ARCN1: variants seen among roughly 807,000 people sequenced by gnomAD.
ARCN1 encodes coatomer subunit delta.
In ARCN1, 5 loss-of-function variants were observed where a neutral mutation model predicts 60.4. The observed-to-expected ratio is 0.08, with a 90% CI of 0.04 to 0.17. The LOEUF is 0.17. ARCN1 is among the 10% of genes least tolerant of loss of function. ARCN1 has a pLI of 1.00. For missense variants in ARCN1, 464 were observed against 626.5 expected, an observed-to-expected ratio of 0.74 and a Z score of 2.77; for synonymous variants, 224 against 220.0, an observed-to-expected ratio of 1.02 and a Z score of -0.16.
chr11:118,597,072 C>T (rs1476438473), intron 8 of ARCN1, among the ~76,000 whole-genome samples: 4 of 152,052 alleles, frequency 2.6e-5, no homozygotes, highest in Non-Finnish European at 4.4e-5. Context: ...CTGGGCGTGG[C>T]GGCACACGCC....
intron 2 of ARCN1, among the ~76,000 whole-genome samples, 166 bp from the exon 3 acceptor site, chr11:118,583,013 C>T (rs1049679893): frequency 6.6e-6 from 1 of 152,100 alleles, no homozygotes; most frequent in Admixed American, 6.6e-5. Context: ...TGCACTCCAG[C>T]GTGGGCAGCA....
At chr11:118,580,970 T>C (rs1304191673) in intron 1 of ARCN1, among the ~76,000 whole-genome samples, 1 of 152,142 alleles carries the variant, frequency 6.6e-6, no homozygotes, top group East Asian at 1.9e-4. Context: ...CTGTCTCTAC[T>C]AAAAGCTTTT....
At chr11:118,592,600 TG>T in intron 6 of ARCN1, 108 bp from the exon 7 acceptor site, 1 of 714,308 alleles carries the variant, frequency 1.4e-6, no homozygotes, top group Non-Finnish European at 2.2e-6. Flanking sequence ...AATTGGAATT[TG>T]TTAGGTACTC....
At chr11:118,586,624 C>A (rs781944349) in intron 5 of ARCN1, among the ~76,000 whole-genome samples, 2 of 151,976 alleles carry the variant, frequency 1.3e-5, no homozygotes, top group African/African-American at 4.8e-5. Flanking sequence ...GAGTTCAAGA[C>A]CACCCTGGGC....
intron 8 of ARCN1, among the ~76,000 whole-genome samples, chr11:118,595,709 G>A (rs1183073689): frequency 2.0e-5 from 3 of 152,180 alleles, no homozygotes; most frequent in Non-Finnish European, 2.9e-5. Context: ...TTAATTATGA[G>A]CACCAGTAAG....
chr11:118,590,000 CTTTTT>C (rs1565363603), intron 5 of ARCN1, among the ~76,000 whole-genome samples: 1 of 151,428 alleles, frequency 6.6e-6, no homozygotes. Context: ...CTTTTCTTTT[CTTTTT>C]TATTTTTTGA....
chr11:118,594,128 CAG>C (rs1555076780), intron 8 of ARCN1: 2 of 155,214 alleles, frequency 1.3e-5, no homozygotes, highest in African/African-American at 4.8e-5. Context: ...TTTTTTGAGA[CAG>C]AGTCTCACTC....
intron 8 of ARCN1, among the ~76,000 whole-genome samples, chr11:118,597,155 T>C (rs1939044138): frequency 2.0e-5 from 3 of 152,158 alleles, no homozygotes; most frequent in Admixed American, 2.0e-4. Flanking sequence ...TGCAGTGAGC[T>C]GAGATCACGC....
intron 7 of ARCN1, among the ~76,000 whole-genome samples, 157 bp from the exon 8 acceptor site, chr11:118,593,433 G>A (rs1401064174): frequency 3.3e-5 from 4 of 119,610 alleles, no homozygotes; most frequent in African/African-American, 9.9e-5. Flanking sequence ...GTCTCACTTT[G>A]TTGCCTAGGC....
chr11:118,573,297 CATGTCGTAGTCAG>C (rs1938397860), intron 1 of ARCN1, among the ~76,000 whole-genome samples: 1 of 152,140 alleles, frequency 6.6e-6, no homozygotes, highest in African/African-American at 2.4e-5. Context: ...GTGTATGTGG[CATGTCGTAGTCAG>C]ATGTCTCACA....
chr11:118,578,655 A>G (rs17122278), intron 1 of ARCN1, among the ~76,000 whole-genome samples: 17,653 of 152,092 alleles, frequency 0.12, 1,806 homozygotes, highest in East Asian at 0.51. Flanking sequence ...TAACTTCTCT[A>G]GAGGATCGAT....
At chr11:118,589,507 G>A (rs1277983004) in intron 5 of ARCN1, among the ~76,000 whole-genome samples, 3 of 151,748 alleles carry the variant, frequency 2.0e-5, no homozygotes, top group African/African-American at 7.3e-5. Flanking sequence ...TCGGCTCACT[G>A]CAAGCTCCGC....
chr11:118,590,610 T>G, intron 6 of ARCN1, 104 bp downstream of exon 6: 1 of 1,214,196 alleles, frequency 8.2e-7, no homozygotes, highest in Non-Finnish European at 1.2e-6. Context: ...ACTTAAGTTA[T>G]ATAACTAGCA....
chr11:118,573,358 C>T (rs1156497771), intron 1 of ARCN1, among the ~76,000 whole-genome samples: 1 of 152,050 alleles, frequency 6.6e-6, no homozygotes, highest in Non-Finnish European at 1.5e-5. Context: ...CCTCCGAGAC[C>T]AGTTACTTGC....
At chr11:118,598,013 AGCTC>A in intron 9 of ARCN1, 102 bp downstream of exon 9, 1 of 1,165,524 alleles carries the variant, frequency 8.6e-7, no homozygotes, top group African/African-American at 1.5e-5. Flanking sequence ...GGTCAGATAA[AGCTC>A]AGAAAAAAAC....
chr11:118,579,839 C>T (rs944427165), intron 1 of ARCN1, among the ~76,000 whole-genome samples: 1 of 151,836 alleles, frequency 6.6e-6, no homozygotes, highest in Admixed American at 6.6e-5. Context: ...TTTCTAGATT[C>T]TTTATGAACA....
chr11:118,583,444 A>C, intron 3 of ARCN1, 86 bp downstream of exon 3: 2 of 1,403,142 alleles, frequency 1.4e-6, no homozygotes, highest in Non-Finnish European at 1.9e-6. Context: ...TTACTTACTA[A>C]TGTAGACTGT....
intron 5 of ARCN1, among the ~76,000 whole-genome samples, 197 bp from the exon 6 acceptor site, chr11:118,590,144 C>T (rs1410653027): frequency 6.6e-6 from 1 of 152,104 alleles, no homozygotes; most frequent in Non-Finnish European, 1.5e-5. Flanking sequence ...TACAGGCATG[C>T]ACCACCACGC....
intron 1 of ARCN1, among the ~76,000 whole-genome samples, chr11:118,580,326 A>G (rs1364753298): frequency 3.3e-5 from 5 of 151,996 alleles, no homozygotes; most frequent in African/African-American, 1.2e-4. Flanking sequence ...CCTGTCTCCA[A>G]AAAAAAAGAA....
Sources: allele counts gnomAD v4.1 joint callset (sites outside exome capture counted in the v4.1 genomes callset), GRCh38; gene constraint gnomAD v4.1.1; transcripts MANE v1.5; gene names NCBI Gene and HGNC (gene_info 2026-07-23, HGNC 2026-07-21).